Variants in NCAPH observed in about 807,000 individuals in gnomAD.
NCAPH encodes non-SMC condensin I complex subunit H, also known as condensin complex subunit 2.
A neutral mutation model predicts 85.5 loss-of-function variants in NCAPH; 38 were observed. That is an observed-to-expected ratio of 0.44 (90% CI 0.34 to 0.58). The LOEUF is 0.58. Among genes scored for constraint, NCAPH ranks in the 20% least tolerant of loss-of-function variants. The pLI, the probability that NCAPH is intolerant of heterozygous loss-of-function variation, is 0.01. For synonymous variants in NCAPH, 301 were observed against 335.1 expected, an observed-to-expected ratio of 0.90 and a Z score of 1.11; for missense variants, 789 against 916.6, an observed-to-expected ratio of 0.86 and a Z score of 1.80.
intron 17 of NCAPH, among the ~76,000 whole-genome samples, chr2:96,372,028 G>A (rs1485939829): frequency 2.0e-5 from 3 of 152,206 alleles, no homozygotes; most frequent in Non-Finnish European, 2.9e-5. Flanking sequence ...CAGAAAACCC[G>A]CGAGGTGTGA....
chr2:96,360,817 G>A, intron 12 of NCAPH, 107 bp downstream of exon 12: 2 of 1,406,680 alleles, frequency 1.4e-6, no homozygotes, highest in East Asian at 2.3e-5. Flanking sequence ...GGAGTGGTAT[G>A]TGTTAGCCAA....
chr2:96,345,540 T>G (rs2064351235), intron 6 of NCAPH, among the ~76,000 whole-genome samples: 1 of 152,148 alleles, frequency 6.6e-6, no homozygotes, highest in South Asian at 2.1e-4. Context: ...GTGCCTTCTC[T>G]CCCTTGGAGC....
chr2:96,364,258 C>T (rs559201554), intron 12 of NCAPH, among the ~76,000 whole-genome samples: 5 of 152,254 alleles, frequency 3.3e-5, no homozygotes, highest in African/African-American at 1.2e-4. Context: ...AATAGAGCTG[C>T]TCTGGTTTAT....
intron 13 of NCAPH, 97 bp from the exon 14 acceptor site, chr2:96,365,779 G>GGA (rs895126445): frequency 5.8e-6 from 7 of 1,201,818 alleles, no homozygotes; most frequent in Non-Finnish European, 8.5e-6. Flanking sequence ...ACCATCAGAT[G>GGA]GTCTCTTCTT....
intron 14 of NCAPH, 36 bp downstream of exon 14, chr2:96,366,094 C>T (rs753182989): frequency 1.2e-6 from 2 of 1,601,274 alleles, no homozygotes; most frequent in East Asian, 4.5e-5. Flanking sequence ...CATTGTTTGC[C>T]TGAAATCTAT....
In NCAPH at chr2:96,367,338, C is replaced by G; in HGVS notation, c.1963C>G (p.Leu655Val). Residue 655 changes from leucine (L) to valine (V), a missense_variant, in exon 15 of 18, where the codon CTG becomes GTG. Physicochemically the swap from Leu to Val is conservative, Grantham distance 32 (BLOSUM62 1). Coordinates refer to ENST00000240423, the MANE Select transcript of NCAPH (RefSeq NM_015341.5). ...ACTGAAGCAGAGCATGTGGAGTCTG[C>G]TGACAGCGCTCTCCGGAAAGGAGGC... is the stretch of plus-strand genomic sequence containing the variant. ...KKLKQSMWSLLTALSGKEADA... is the reference protein window; with the variant it reads ...KKLKQSMWSLVTALSGKEADA... 7 of 1,613,536 alleles carry G rather than the reference C, an allele frequency of 4.3e-6. No individual in the cohort carries two copies. Among genetic ancestry groups the G allele is most frequent in the Non-Finnish European group, 5.9e-6 (7 of 1,179,556 alleles).
chr2:96,366,621 G>A (rs1042825042), intron 14 of NCAPH, among the ~76,000 whole-genome samples: 1 of 152,186 alleles, frequency 6.6e-6, no homozygotes, highest in Admixed American at 6.5e-5. Context: ...GCTCACGCCT[G>A]TAATCCCAGC....
intron 10 of NCAPH, 57 bp downstream of exon 10, chr2:96,359,250 C>A: frequency 6.3e-7 from 1 of 1,588,774 alleles, no homozygotes; most frequent in South Asian, 1.1e-5. Flanking sequence ...ACCAGCCAGT[C>A]AGCAGTTAGC....
At position 96,366,069 on chromosome 2, in the gene NCAPH, A is replaced by G; in HGVS notation, c.1881+11A>G. 1 of 1,613,108 alleles carries G rather than the reference A, an allele frequency of 6.2e-7. No homozygotes were observed. Among genetic ancestry groups the G allele is most frequent in the Non-Finnish European group, 8.5e-7 (1 of 1,179,202 alleles). On this transcript the variant is annotated intron_variant, in intron 14 of 17. Transcript: ENST00000240423. ...GCTGAGCCTCAGAAGGTACGGATGAAACAGCTGAGAATTACATTGTTTGCC... is the reference window on the plus strand; with the variant it reads ...GCTGAGCCTCAGAAGGTACGGATGAGACAGCTGAGAATTACATTGTTTGCC...
chr2:96,356,292 T>A (rs1179206057), intron 9 of NCAPH, among the ~76,000 whole-genome samples: 1 of 152,222 alleles, frequency 6.6e-6, no homozygotes, highest in Non-Finnish European at 1.5e-5. Flanking sequence ...TCAGTGAGTG[T>A]TTGATCTGGA....
At chr2:96,361,335 C>T (rs1314660167) in intron 12 of NCAPH, among the ~76,000 whole-genome samples, 1 of 152,038 alleles carries the variant, frequency 6.6e-6, no homozygotes, top group East Asian at 1.9e-4. Flanking sequence ...TAGGTGTGAG[C>T]CACTGTGCCC....
Position 96,342,868 on chromosome 2 carries a change from T to C in NCAPH, c.456+20T>C, listed in dbSNP as rs1466394096. The C allele has an allele frequency of 6.4e-7, 1 of 1,571,840 alleles. No individual in the cohort carries two copies. Among genetic ancestry groups the C allele is most frequent in the South Asian group, 1.1e-5 (1 of 89,756 alleles). On this transcript the variant is annotated intron_variant, in intron 4 of 17. Coordinates refer to ENST00000240423, the MANE Select transcript of NCAPH (RefSeq NM_015341.5). ...TTTAAAGTAAGAAGGATGTCCACTTTCTCTTGCATCTGAATTAAATGATGA... is the reference window on the plus strand; with the variant it reads ...TTTAAAGTAAGAAGGATGTCCACTTCCTCTTGCATCTGAATTAAATGATGA...
intron 12 of NCAPH, among the ~76,000 whole-genome samples, chr2:96,361,765 T>C (rs796390767): frequency 1.6e-4 from 22 of 133,742 alleles, no homozygotes; most frequent in South Asian, 5.0e-4. Flanking sequence ...TATATATATA[T>C]ATACATATAT....
intron 6 of NCAPH, among the ~76,000 whole-genome samples, chr2:96,348,719 G>T (rs1051902091): frequency 6.6e-6 from 1 of 151,582 alleles, no homozygotes; most frequent in African/African-American, 2.4e-5. Context: ...GCAGTGGCAC[G>T]ATGTTGGCTC....
chr2:96,355,930 G>A (rs1158753191), intron 9 of NCAPH, among the ~76,000 whole-genome samples: 1 of 152,080 alleles, frequency 6.6e-6, no homozygotes, highest in Non-Finnish European at 1.5e-5. Context: ...CACTGCGCCT[G>A]GCCATCCTGT....
intron 6 of NCAPH, among the ~76,000 whole-genome samples, chr2:96,348,491 C>T (rs2064391657): frequency 6.6e-6 from 1 of 151,862 alleles, no homozygotes; most frequent in African/African-American, 2.4e-5. Flanking sequence ...CGCACCTGGC[C>T]TATGTCAAGG....
intron 17 of NCAPH, among the ~76,000 whole-genome samples, chr2:96,371,706 T>C (rs762414199): frequency 2.0e-5 from 3 of 152,244 alleles, no homozygotes; most frequent in Non-Finnish European, 2.9e-5. Context: ...TTTGGGCTGT[T>C]TGAGAAAACT....
At position 96,354,340 on chromosome 2, in the gene NCAPH, A is replaced by G. The variant is rs774218021; in HGVS notation, c.1160A>G (p.His387Arg). 6 of 1,613,466 alleles carry G rather than the reference A, an allele frequency of 3.7e-6. No homozygotes were observed. Among genetic ancestry groups the G allele is most frequent in the South Asian group, 1.1e-5 (1 of 90,938 alleles). ...CCTGACCACACCGCAGTTGGGGATCATGAAGAGTTCAGGAGCTGGAAGGAG... is the reference window on the plus strand; with the variant it reads ...CCTGACCACACCGCAGTTGGGGATCGTGAAGAGTTCAGGAGCTGGAAGGAG... The part of the protein sequence containing the change: ...DEPDHTAVGD[H>R]EEFRSWKEPC... Residue 387 changes from histidine to arginine, a missense_variant, in exon 9 of 18, where the codon CAT becomes CGT. Physicochemically the swap from His to Arg is conservative, Grantham distance 29. Transcript: ENST00000240423.
At position 96,376,803 on chromosome 2, in the gene NCAPH, T is replaced by G. The variant is rs1024823101; in HGVS notation, c.*3452T>G. ...TTTTGGTTCATTTAAAAATGTTTTT[T>G]GGGGGAATTGGGGATCATTTATGGG... is the stretch of plus-strand genomic sequence containing the variant. On this transcript the variant is annotated 3_prime_UTR_variant, in exon 18 of 18. Coordinates refer to ENST00000240423, the MANE Select transcript of NCAPH (RefSeq NM_015341.5). Among the ~76,000 whole-genome samples the G allele has an allele frequency of 7.2e-5, 11 of 152,038 alleles. No individual in the cohort carries two copies. The highest frequency in any genetic ancestry group is 2.6e-4 in the Admixed American group (4 of 15,260).
Sources: gnomAD v4.1 joint callset for allele counts (sites outside exome capture counted in the v4.1 genomes callset) on GRCh38, gnomAD v4.1.1 for gene constraint, MANE v1.5 for transcripts, NCBI Gene and HGNC (gene_info 2026-07-23, HGNC 2026-07-21) for gene names.